IL1RAPL2: variants seen among roughly 807,000 people sequenced by gnomAD.
The protein encoded by IL1RAPL2 is interleukin 1 receptor accessory protein like 2.
In IL1RAPL2, 3 loss-of-function variants were observed where a neutral mutation model predicts 44.1. The ratio of observed to expected loss-of-function variants is 0.07; its 90% CI spans 0.03 to 0.18. The LOEUF is 0.18. Ranked by LOEUF, IL1RAPL2 falls within the 10% of genes least tolerant of loss-of-function variation. The pLI, the probability that IL1RAPL2 is intolerant of heterozygous loss-of-function variation, is 1.00. For synonymous variants in IL1RAPL2, 181 were observed against 178.8 expected (o/e 1.01, Z -0.10); for missense variants, 391 against 496.4 (o/e 0.79, Z 2.02).
At chrX:104,739,175 T>A (rs1251125111) in intron 2 of IL1RAPL2, among the ~76,000 whole-genome samples, 1 of 112,057 alleles carries the variant, frequency 8.9e-6, no homozygotes. Context: ...TTTTGGTTTG[T>A]TGATTTCAGT....
intron 5 of IL1RAPL2, among the ~76,000 whole-genome samples, chrX:105,305,198 A>G (rs1400256433): frequency 9.0e-6 from 1 of 111,169 alleles, no homozygotes; most frequent in Non-Finnish European, 1.9e-5. Context: ...CTCAAATCCA[A>G]ACCATATCAG....
At chrX:104,585,322 A>ATATAATATATATATTATATAT (rs1928516087) in intron 1 of IL1RAPL2, among the ~76,000 whole-genome samples, 1 of 21,015 alleles carries the variant, frequency 4.8e-5, no homozygotes, top group African/African-American at 3.5e-4. Flanking sequence ...AATATATATT[A>ATATAATATATATATTATATAT]TATATAATAT....
intron 2 of IL1RAPL2, among the ~76,000 whole-genome samples, chrX:104,880,113 T>G (rs764601575): frequency 1.8e-5 from 2 of 111,478 alleles, no homozygotes; most frequent in Non-Finnish European, 1.9e-5. Flanking sequence ...CTCCTTTAAG[T>G]AATTGCAGTA....
chrX:104,915,254 C>T, intron 2 of IL1RAPL2, among the ~76,000 whole-genome samples: 2 of 110,919 alleles, frequency 1.8e-5, no homozygotes, highest in Middle Eastern at 4.7e-3. Context: ...TAATGATCGC[C>T]ATTCTAACTG....
intron 2 of IL1RAPL2, among the ~76,000 whole-genome samples, chrX:104,877,047 A>G (rs1047720694): frequency 6.3e-5 from 7 of 110,583 alleles, no homozygotes; most frequent in African/African-American, 1.6e-4. Context: ...TGTCCCTACA[A>G]AGGACATGAA....
chrX:104,788,464 T>A (rs2147606428), intron 2 of IL1RAPL2, among the ~76,000 whole-genome samples: 1 of 112,239 alleles, frequency 8.9e-6, no homozygotes, highest in African/African-American at 3.2e-5. Context: ...CTAGAATCAT[T>A]GGTTCAGCGT....
At chrX:104,638,151 A>G (rs902860406) in intron 1 of IL1RAPL2, among the ~76,000 whole-genome samples, 7 of 111,202 alleles carry the variant, frequency 6.3e-5, no homozygotes, top group Non-Finnish European at 1.1e-4. Flanking sequence ...TTGTTAACAT[A>G]TAGGTATTCT....
intron 2 of IL1RAPL2, among the ~76,000 whole-genome samples, chrX:104,975,488 G>A (rs1014078171): frequency 1.8e-5 from 2 of 111,944 alleles, no homozygotes; most frequent in African/African-American, 6.5e-5. Context: ...CAAGACAACT[G>A]GATTCAAGTT....
chrX:104,916,625 G>C (rs1441483939), intron 2 of IL1RAPL2, among the ~76,000 whole-genome samples: 2 of 111,587 alleles, frequency 1.8e-5, no homozygotes, highest in Non-Finnish European at 3.8e-5. Flanking sequence ...AGTGGTGAGA[G>C]AGGGCATCCC....
chrX:105,440,734 A>G (rs1365896241), intron 5 of IL1RAPL2, among the ~76,000 whole-genome samples: 2 of 112,293 alleles, frequency 1.8e-5, no homozygotes, highest in African/African-American at 3.2e-5. Context: ...AATCGGTGAT[A>G]TGGATTGTCT....
intron 2 of IL1RAPL2, among the ~76,000 whole-genome samples, chrX:105,067,700 T>G (rs1343392280): frequency 8.9e-6 from 1 of 111,989 alleles, no homozygotes; most frequent in East Asian, 2.8e-4. Context: ...GCTGTGAACA[T>G]TGTGAAATAA....
At chrX:105,135,707 A>G (rs774180584) in intron 2 of IL1RAPL2, among the ~76,000 whole-genome samples, 97 of 111,900 alleles carry the variant, frequency 8.7e-4, no homozygotes, top group African/African-American at 3.0e-3. Flanking sequence ...TTATGTTGAT[A>G]ATTGGATCCT....
intron 5 of IL1RAPL2, among the ~76,000 whole-genome samples, chrX:105,365,893 CAGCCTCTTG>C (rs1170933600): frequency 9.1e-6 from 1 of 110,437 alleles, no homozygotes; most frequent in African/African-American, 3.3e-5. Context: ...TCTCGTGCTT[CAGCCTCTTG>C]AGTAGCTGGG....
chrX:104,871,164 A>G (rs973920397), intron 2 of IL1RAPL2, among the ~76,000 whole-genome samples: 10 of 111,978 alleles, frequency 8.9e-5, no homozygotes, highest in Non-Finnish European at 1.9e-4. Flanking sequence ...CTGAAAAAGT[A>G]TGTTTCTATT....
chrX:104,614,924 AT>A (rs762570787), intron 1 of IL1RAPL2, among the ~76,000 whole-genome samples: 1 of 111,287 alleles, frequency 9.0e-6, no homozygotes, highest in Non-Finnish European at 1.9e-5. Context: ...GATTTCTCTC[AT>A]TTTTTAATCC....
intron 5 of IL1RAPL2, among the ~76,000 whole-genome samples, chrX:105,298,243 C>A (rs954709447): frequency 8.9e-6 from 1 of 111,825 alleles, no homozygotes; most frequent in Non-Finnish European, 1.9e-5. Context: ...GTTCTCTTAT[C>A]TAACTGAAAC....
chrX:105,487,726 C>G (rs2147777369), intron 6 of IL1RAPL2, among the ~76,000 whole-genome samples: 1 of 111,879 alleles, frequency 8.9e-6, no homozygotes, highest in East Asian at 2.8e-4. Context: ...GCTCTCATAC[C>G]TCAATAGTCA....
At chrX:105,136,123 C>T (rs994507150) in intron 2 of IL1RAPL2, among the ~76,000 whole-genome samples, 3 of 111,656 alleles carry the variant, frequency 2.7e-5, no homozygotes, top group Non-Finnish European at 5.7e-5. Context: ...TGTGCATTAT[C>T]GAATGTATTC....
chrX:105,215,616 C>T (rs1946483287), intron 3 of IL1RAPL2, among the ~76,000 whole-genome samples: 1 of 111,763 alleles, frequency 8.9e-6, no homozygotes, highest in Admixed American at 9.5e-5. Context: ...TTTATGAGGG[C>T]AGCATCATCC....
Sources: gnomAD v4.1 joint callset for allele counts (sites outside exome capture counted in the v4.1 genomes callset) on GRCh38, gnomAD v4.1.1 for gene constraint, MANE v1.5 for transcripts, NCBI Gene and HGNC (gene_info 2026-07-23, HGNC 2026-07-21) for gene names.